The following SMC1B variants were observed in gnomAD, a reference collection of about 807,000 sequenced individuals.
The protein encoded by SMC1B is structural maintenance of chromosomes 1B, also known as structural maintenance of chromosomes protein 1B.
SMC1B carries 60 observed loss-of-function variants against 157.9 expected under a neutral mutation model. That is an observed-to-expected ratio of 0.38 (90% CI 0.31 to 0.47). SMC1B has a LOEUF of 0.47. SMC1B is among the 20% of genes least tolerant of loss of function. The probability of loss-of-function intolerance (pLI) is 0.99; values close to 1 mark genes in which losing one functional copy is unlikely to be tolerated. For synonymous variants in SMC1B, 445 were observed against 483.0 expected (o/e 0.92, Z 1.03); for missense variants, 1,165 against 1,426.2 (o/e 0.82, Z 2.95).
intron 12 of SMC1B, 41 bp downstream of exon 12, chr22:45,383,426 A>T: frequency 6.8e-7 from 1 of 1,467,358 alleles, no homozygotes. Context: ...AAACACAATT[A>T]TTCTACTTAG....
At chr22:45,400,403 G>A (rs951748686) in intron 5 of SMC1B, among the ~76,000 whole-genome samples, 2 of 152,136 alleles carry the variant, frequency 1.3e-5, no homozygotes, top group Non-Finnish European at 2.9e-5. Flanking sequence ...AACTCAAAGA[G>A]TTCTCAGTGG....
intron 7 of SMC1B, 32 bp downstream of exon 7, chr22:45,396,314 A>T (rs1261951934): frequency 1.3e-6 from 2 of 1,568,826 alleles, no homozygotes; most frequent in Admixed American, 1.9e-5. Flanking sequence ...ATTAAGAATG[A>T]TTCTAAATCA....
At position 45,353,893 on chromosome 22, in the gene SMC1B, C is replaced by CAAAAAAA. The variant is rs3833396; in HGVS notation, c.3273+78_3273+84dup. ...TAATGTGGCAGTGGTTATTTCCCACCAAAAAAAAAAAAAAAAAAAAAAAAA... is the reference window on the plus strand; with the variant it reads ...TAATGTGGCAGTGGTTATTTCCCACCAAAAAAAAAAAAAAAAAAAAAAAAAAAAAAAA... On this transcript the variant is annotated intron_variant, in intron 21 of 24. Transcript: ENST00000357450. 2.3e-3 allele frequency: 572 copies of CAAAAAAA among 247,454 alleles called. 101 individuals are homozygous for CAAAAAAA. Among genetic ancestry groups the CAAAAAAA allele is most frequent in the South Asian group, 3.2e-3 (110 of 34,454 alleles). 15.3% of individuals were successfully genotyped at this position (247,454 alleles called of 1,614,324 possible).
intron 2 of SMC1B, among the ~76,000 whole-genome samples, chr22:45,408,195 G>A (rs770529453): frequency 6.6e-6 from 1 of 152,028 alleles, no homozygotes; most frequent in Non-Finnish European, 1.5e-5. Context: ...GCGTGATCTC[G>A]GCTCACTGCA....
intron 7 of SMC1B, 137 bp from the exon 8 acceptor site, chr22:45,394,904 C>A: frequency 1.9e-6 from 2 of 1,040,096 alleles, no homozygotes; most frequent in Non-Finnish European, 2.5e-6. Context: ...AAACACTTAT[C>A]AGAGCAAATT....
chr22:45,412,078 CTA>C (rs1435241462), intron 1 of SMC1B, among the ~76,000 whole-genome samples: 2 of 151,498 alleles, frequency 1.3e-5, no homozygotes, highest in African/African-American at 4.9e-5. Context: ...AGGGGTTTCA[CTA>C]TGTTGGCCAG....
At chr22:45,361,791 T>C (rs1358696767) in intron 17 of SMC1B, 48 bp downstream of exon 17, 3 of 1,559,024 alleles carry the variant, frequency 1.9e-6, no homozygotes, top group South Asian at 1.2e-5. Flanking sequence ...TTGGTGTCCA[T>C]GTTTAAAACT....
intron 12 of SMC1B, among the ~76,000 whole-genome samples, chr22:45,376,848 T>G (rs2086888576): frequency 6.6e-6 from 1 of 152,230 alleles, no homozygotes; most frequent in African/African-American, 2.4e-5. Context: ...TGCTGCTGCA[T>G]CTTGACTGCG....
Position 45,389,717 on chromosome 22 carries a change from G to A in SMC1B, c.1726C>T (p.Leu576Phe). 2.5e-6 allele frequency: 4 copies of A among 1,612,964 alleles called. No individual in the cohort carries two copies. Among genetic ancestry groups the A allele is most frequent in the Non-Finnish European group, 3.4e-6 (4 of 1,179,374 alleles). The change falls in exon 10 of 25, where the codon CTT (leucine) becomes TTT (phenylalanine). Residue 576 changes from leucine (L) to phenylalanine (F), a missense_variant. Physicochemically the swap from Leu to Phe is conservative, Grantham distance 22. Transcript: ENST00000357450. ...AGGCATTACAAAGTTCTTACATCAA[G>A]GTAATCTAGAGCGAGGAATGTCTCA... is the stretch of plus-strand genomic sequence containing the variant. ...EPETFLALDY[L>F]DIKPINERLR...
Position 45,383,632 on chromosome 22 carries a change from T to G in SMC1B, c.1912-19A>C, listed in dbSNP as rs777183694. On this transcript the variant is annotated intron_variant, in intron 11 of 24. Coordinates refer to ENST00000357450, the MANE Select transcript of SMC1B (RefSeq NM_148674.5). Reference sequence around the variant, plus strand: ...CTACTGTCTGTAAAAGTAAAAATATTTTGCCCTGGAGAAATGTACATAAAG... The same window carrying G: ...CTACTGTCTGTAAAAGTAAAAATATGTTGCCCTGGAGAAATGTACATAAAG... 10 of 1,573,740 alleles carry G rather than the reference T, an allele frequency of 6.4e-6. No homozygotes were observed. The highest frequency in any genetic ancestry group is 7.7e-6 in the Non-Finnish European group (9 of 1,168,682).
intron 9 of SMC1B, among the ~76,000 whole-genome samples, chr22:45,392,846 G>T (rs1053267041): frequency 9.2e-5 from 14 of 151,994 alleles, no homozygotes; most frequent in African/African-American, 3.4e-4. Flanking sequence ...TATTATAGGC[G>T]CCTGCCACAA....
Position 45,372,304 on chromosome 22 carries a change from G to A in SMC1B, c.2059-12C>T. The A allele has an allele frequency of 5.8e-6, 9 of 1,565,152 alleles. No individual in the cohort carries two copies. The highest frequency in any genetic ancestry group is 7.7e-6 in the Non-Finnish European group (9 of 1,161,514). The stretch of plus-strand genomic sequence containing the variant: ...GTCTTCATTAAACCCTAAAAGGAAA[G>A]AAAAACATGAGAATATTTTATGATA... On this transcript the variant is annotated splice_polypyrimidine_tract_variant and intron_variant, in intron 12 of 24. Coordinates refer to ENST00000357450, the MANE Select transcript of SMC1B (RefSeq NM_148674.5).
At chr22:45,366,364 T>C (rs2086776252) in intron 15 of SMC1B, among the ~76,000 whole-genome samples, 2 of 152,218 alleles carry the variant, frequency 1.3e-5, no homozygotes, top group Non-Finnish European at 2.9e-5. Context: ...AACATTGTAA[T>C]AGGCAGAATT....
At chr22:45,350,972 C>T (rs2086610012) in intron 22 of SMC1B, among the ~76,000 whole-genome samples, 1 of 152,182 alleles carries the variant, frequency 6.6e-6, no homozygotes, top group Non-Finnish European at 1.5e-5. Context: ...GGGCCTTTTG[C>T]ACTTGCTGTT....
intron 6 of SMC1B, among the ~76,000 whole-genome samples, chr22:45,398,843 A>G (rs2882538): frequency 4.0e-5 from 6 of 151,768 alleles, no homozygotes; most frequent in African/African-American, 1.5e-4. Context: ...AACAAACAAA[A>G]AAAAATCCTG....
chr22:45,367,580 A>C (rs1165427112), intron 15 of SMC1B, among the ~76,000 whole-genome samples: 1 of 152,148 alleles, frequency 6.6e-6, no homozygotes, highest in Non-Finnish European at 1.5e-5. Flanking sequence ...TGGGGATGCT[A>C]GTCCTGCTTC....
chr22:45,404,896 C>T (rs186138869), intron 4 of SMC1B, among the ~76,000 whole-genome samples: 3 of 152,272 alleles, frequency 2.0e-5, no homozygotes, highest in East Asian at 3.9e-4. Context: ...AAATATTTTA[C>T]GGAGTTTGAC....
chr22:45,409,683 T>C (rs1398838893), intron 1 of SMC1B, among the ~76,000 whole-genome samples: 1 of 152,142 alleles, frequency 6.6e-6, no homozygotes, highest in Non-Finnish European at 1.5e-5. Context: ...GAGATGGTGC[T>C]ACAGAAAATT....
chr22:45,362,745 T>C, intron 16 of SMC1B, 140 bp downstream of exon 16: 1 of 681,576 alleles, frequency 1.5e-6, no homozygotes, highest in Non-Finnish European at 2.4e-6. Flanking sequence ...AAAGCTCTGC[T>C]GATTTTACTT....
Sources: gnomAD v4.1 joint callset for allele counts (sites outside exome capture counted in the v4.1 genomes callset) on GRCh38, gnomAD v4.1.1 for gene constraint, MANE v1.5 for transcripts, NCBI Gene and HGNC (gene_info 2026-07-23, HGNC 2026-07-21) for gene names.